DYNC2LI1: variants seen among roughly 807,000 people sequenced by gnomAD.
DYNC2LI1 encodes the protein cytoplasmic dynein 2 light intermediate chain 1.
Under a neutral mutation model 51.9 loss-of-function variants are expected in DYNC2LI1, and 45 were observed. That is an observed-to-expected ratio of 0.87 (90% CI 0.68 to 1.11). DYNC2LI1 has a LOEUF of 1.11. Among genes scored for constraint, DYNC2LI1 ranks in the 50% most tolerant of loss-of-function variants. The pLI is 0.00. For missense variants in DYNC2LI1, 490 were observed against 417.4 expected, an observed-to-expected ratio of 1.17 and a Z score of -1.51; for synonymous variants, 130 against 137.8, an observed-to-expected ratio of 0.94 and a Z score of 0.40.
chr2:43,785,625 T>A (rs1403585314), intron 3 of DYNC2LI1, among the ~76,000 whole-genome samples: 1 of 151,934 alleles, frequency 6.6e-6, no homozygotes, highest in Non-Finnish European at 1.5e-5. Flanking sequence ...TCCCAGGTCC[T>A]TGGGAGGCTG....
the DYNC2LI1 span, chr2:43,824,372 A>G: frequency 1.2e-6 from 2 of 1,613,812 alleles, no homozygotes; most frequent in Admixed American, 3.3e-5. Context: ...TATCATCTGG[A>G]CTCTCTTGGA....
chr2:43,787,230 A>G lies in DYNC2LI1; in HGVS notation c.211A>G (p.Arg71Gly). The G allele has an allele frequency of 6.2e-7, 1 of 1,613,374 alleles. No individual in the cohort carries two copies. The highest frequency in any genetic ancestry group is 8.5e-7 in the Non-Finnish European group (1 of 1,179,546). The change falls in exon 4 of 13, where the codon AGA becomes GGA. Residue 71 changes from arginine (R) to glycine (G), a missense_variant. Transcript: ENST00000260605. ...AGCTTTGGAATATACATATGGAAGA[A>G]GAGCAAAAGGGCACAACACAGTAAG... is the stretch of plus-strand genomic sequence containing the variant. The part of the protein sequence containing the change: ...TLALEYTYGR[R>G]AKGHNTPKDI...
intron 4 of DYNC2LI1, among the ~76,000 whole-genome samples, chr2:43,789,105 G>T (rs192474898): frequency 6.6e-6 from 1 of 152,318 alleles, no homozygotes; most frequent in Admixed American, 6.5e-5. Flanking sequence ...GGAACAAATC[G>T]TCTGCTTATA....
chr2:43,818,607 A>G, the DYNC2LI1 span, among the ~76,000 whole-genome samples: 316 of 152,320 alleles, frequency 2.1e-3, 1 homozygote, highest in African/African-American at 7.2e-3. Flanking sequence ...TTGGCTCTGT[A>G]CATTGCTGGC....
chr2:43,804,810 G>C, intron 11 of DYNC2LI1, 71 bp downstream of exon 11: 1 of 898,164 alleles, frequency 1.1e-6, no homozygotes, highest in East Asian at 2.7e-5. Flanking sequence ...ATGTGTCAAA[G>C]GGCTTATTAT....
At chr2:43,795,253 C>T in intron 6 of DYNC2LI1, 1 of 947,686 alleles carries the variant, frequency 1.1e-6, no homozygotes, top group Non-Finnish European at 1.3e-6. Context: ...TGCTTGTAAT[C>T]CCAGCACTTT....
chr2:43,800,138 C>G (rs1375102860), intron 8 of DYNC2LI1, among the ~76,000 whole-genome samples: 1 of 152,160 alleles, frequency 6.6e-6, no homozygotes, highest in Non-Finnish European at 1.5e-5. Context: ...CTACAGAAAT[C>G]CAATCTAGCT....
chr2:43,818,580 G>C, the DYNC2LI1 span, among the ~76,000 whole-genome samples: 1 of 152,144 alleles, frequency 6.6e-6, no homozygotes, highest in Non-Finnish European at 1.5e-5. Context: ...ATATAAAAGA[G>C]GAAATGCTGC....
the DYNC2LI1 span, among the ~76,000 whole-genome samples, chr2:43,822,342 A>G: frequency 6.6e-6 from 1 of 152,044 alleles, no homozygotes; most frequent in Admixed American, 6.5e-5. Flanking sequence ...ATCCTCTCTG[A>G]TGCTGCCCAA....
chr2:43,798,872 A>G (rs568869035), intron 8 of DYNC2LI1, among the ~76,000 whole-genome samples: 106 of 152,200 alleles, frequency 7.0e-4, no homozygotes, highest in Non-Finnish European at 1.2e-3. Context: ...CATTTAAGGA[A>G]GAAAGTTGGG....
chr2:43,779,987 G>C (rs973710093), intron 2 of DYNC2LI1, among the ~76,000 whole-genome samples: 9 of 152,174 alleles, frequency 5.9e-5, no homozygotes, highest in Admixed American at 2.6e-4. Flanking sequence ...GGGCATGAAT[G>C]GTATTTAACA....
At chr2:43,791,200 GAC>G (rs376473626) in intron 5 of DYNC2LI1, among the ~76,000 whole-genome samples, 12 of 152,302 alleles carry the variant, frequency 7.9e-5, no homozygotes, top group African/African-American at 2.6e-4. Context: ...CAGCCTGAGT[GAC>G]AGAGTGAGAC....
At chr2:43,803,241 T>C (rs1168119495) in intron 10 of DYNC2LI1, among the ~76,000 whole-genome samples, 1 of 152,214 alleles carries the variant, frequency 6.6e-6, no homozygotes. Context: ...GGCAGCTTTA[T>C]GTTTAGTAGT....
chr2:43,783,092 AT>A (rs1673366917), intron 2 of DYNC2LI1, among the ~76,000 whole-genome samples: 1 of 152,214 alleles, frequency 6.6e-6, no homozygotes, highest in Admixed American at 6.5e-5. Context: ...CTTTGAACAT[AT>A]TTACAATGTG....
intron 5 of DYNC2LI1, 117 bp from the exon 6 acceptor site, chr2:43,794,340 G>C: frequency 8.9e-7 from 1 of 1,127,750 alleles, no homozygotes. Flanking sequence ...ATAATGCTAC[G>C]GTTTTTTTTT....
intron 5 of DYNC2LI1, chr2:43,793,900 C>T (rs78449354): frequency 4.6e-5 from 7 of 152,910 alleles, no homozygotes; most frequent in Non-Finnish European, 8.8e-5. Flanking sequence ...TGCAGAAAAA[C>T]GTGTAACTTT....
At chr2:43,791,559 G>A (rs569786753) in intron 5 of DYNC2LI1, among the ~76,000 whole-genome samples, 5 of 152,162 alleles carry the variant, frequency 3.3e-5, no homozygotes, top group Non-Finnish European at 7.3e-5. Flanking sequence ...GAGGGAAAGG[G>A]AAAGGGAGCC....
chr2:43,787,202 C>A lies in DYNC2LI1; in HGVS notation c.183C>A (p.Thr61=). The A allele has an allele frequency of 6.2e-7, 1 of 1,613,294 alleles. No individual in the cohort carries two copies. Among genetic ancestry groups the A allele is most frequent in the Non-Finnish European group, 8.5e-7 (1 of 1,179,560 alleles). The part of the protein sequence containing the change: ...CLDRDEPPKP[T]LALEYTYGRR... ...ACAGAGATGAACCACCAAAACCAAC[C>A]TTAGCTTTGGAATATACATATGGAA... Residue 61 remains threonine (T), a synonymous_variant, in exon 4 of 13, where the codon ACC becomes ACA. Transcript: ENST00000260605.
intron 2 of DYNC2LI1, among the ~76,000 whole-genome samples, chr2:43,778,680 TA>T (rs1356241113): frequency 3.3e-5 from 5 of 152,188 alleles, no homozygotes; most frequent in African/African-American, 4.8e-5. Flanking sequence ...TGGTACTGAT[TA>T]CTGACTCCAT....
Sources: gnomAD v4.1 joint callset for allele counts (sites outside exome capture counted in the v4.1 genomes callset) on GRCh38, gnomAD v4.1.1 for gene constraint, MANE v1.5 for transcripts, NCBI Gene and HGNC (gene_info 2026-07-23, HGNC 2026-07-21) for gene names.